Variants in NDUFAF2 observed in about 807,000 individuals in gnomAD.
NDUFAF2 encodes the protein NADH dehydrogenase [ubiquinone] 1 alpha subcomplex assembly factor 2.
A neutral mutation model predicts 22.8 loss-of-function variants in NDUFAF2; 13 were observed. That is an observed-to-expected ratio of 0.57 (90% CI 0.37 to 0.91). The LOEUF is 0.91. Ranked by LOEUF, NDUFAF2 falls within the 40% of genes least tolerant of loss-of-function variation. NDUFAF2 has a pLI of 0.01. For synonymous variants in NDUFAF2, 53 were observed against 64.2 expected, an observed-to-expected ratio of 0.83 and a Z score of 0.84; for missense variants, 162 against 195.2, an observed-to-expected ratio of 0.83 and a Z score of 1.01.
At chr5:61,089,721 C>T (rs1190426348) in intron 2 of NDUFAF2, among the ~76,000 whole-genome samples, 3 of 151,898 alleles carry the variant, frequency 2.0e-5, no homozygotes, top group Non-Finnish European at 4.4e-5. Flanking sequence ...AAAGAAGTCC[C>T]CTGACAGTAA....
rs1313804108 is a variant in NDUFAF2, at chr5:61,099,032, G to A, written c.258G>A (p.Glu86=). The stretch of plus-strand genomic sequence containing the variant: ...CAAGAAAGACTCCACCTACTATGGA[G>A]GTAAGACTACACAAGGAGGATATCA... ...RRTRKTPPTM[E]EILKNEKHRE... The change falls in exon 3 of 4, where the codon GAG becomes GAA. Residue 86 remains glutamate, a splice_region_variant and synonymous_variant. Transcript: ENST00000296597. 1.3e-6 allele frequency: 2 copies of A among 1,595,394 alleles called. No individual in the cohort carries two copies. Among genetic ancestry groups the A allele is most frequent in the South Asian group, 1.1e-5 (1 of 88,906 alleles).
At chr5:61,014,305 A>G (rs1238586615) in intron 1 of NDUFAF2, among the ~76,000 whole-genome samples, 1 of 152,196 alleles carries the variant, frequency 6.6e-6, no homozygotes, top group Admixed American at 6.6e-5. Flanking sequence ...AATAGCCACA[A>G]GTTGGTGAAC....
At position 61,017,135 on chromosome 5, in the gene NDUFAF2, G is replaced by T. The variant is rs162234; in HGVS notation, c.128-55990G>T. 4.6e-5 allele frequency among the ~76,000 whole-genome samples: 7 copies of T among 152,104 alleles called. 1 individual carries two copies. Among genetic ancestry groups the T allele is most frequent in the African/African-American group, 1.2e-4 (5 of 41,486 alleles). ...TTTCTATTCGAATGAGATAGAGGTA[G>T]GCGTCAAACAGCTTACAATAGGTAG... On this transcript the variant is annotated intron_variant, in intron 1 of 3. Transcript: ENST00000296597.
At chr5:61,131,993 A>T (rs1012197556) in intron 3 of NDUFAF2, among the ~76,000 whole-genome samples, 3 of 152,206 alleles carry the variant, frequency 2.0e-5, no homozygotes, top group Admixed American at 2.0e-4. Flanking sequence ...AGGAGCTTTT[A>T]AAAGTTCTGC....
intron 3 of NDUFAF2, among the ~76,000 whole-genome samples, chr5:61,129,686 A>G (rs547049796): frequency 9.7e-4 from 148 of 152,178 alleles, no homozygotes; most frequent in Non-Finnish European, 1.8e-3. Context: ...AGATATACCT[A>G]ATGTAAATGA....
At chr5:61,116,451 T>G (rs1356408929) in intron 3 of NDUFAF2, 1 of 152,024 alleles carries the variant, frequency 6.6e-6, no homozygotes, top group East Asian at 1.9e-4. Flanking sequence ...AAAATAAAAA[T>G]ATAATAGAAA....
intron 1 of NDUFAF2, among the ~76,000 whole-genome samples, chr5:60,979,079 T>G (rs920398419): frequency 1.3e-5 from 2 of 152,150 alleles, no homozygotes; most frequent in African/African-American, 4.8e-5. Context: ...AAATCCAGTT[T>G]TGAAGGGAAA....
At chr5:61,148,316 C>A (rs558478168) in intron 3 of NDUFAF2, among the ~76,000 whole-genome samples, 1 of 152,156 alleles carries the variant, frequency 6.6e-6, no homozygotes, top group Non-Finnish European at 1.5e-5. Flanking sequence ...TGCCTATTGT[C>A]CAGTATCTGA....
intron 1 of NDUFAF2, among the ~76,000 whole-genome samples, chr5:61,028,178 A>T (rs1045324329): frequency 1.3e-5 from 2 of 152,112 alleles, no homozygotes; most frequent in African/African-American, 4.8e-5. Context: ...ATTTGAAAAG[A>T]AACCTGAGTG....
At chr5:61,042,993 G>A (rs1325307567) in intron 1 of NDUFAF2, among the ~76,000 whole-genome samples, 2 of 152,198 alleles carry the variant, frequency 1.3e-5, no homozygotes, top group African/African-American at 2.4e-5. Context: ...GCCAAGGCAG[G>A]CGGATCACTT....
intron 1 of NDUFAF2, among the ~76,000 whole-genome samples, chr5:60,964,956 A>C (rs1187496199): frequency 1.3e-5 from 2 of 152,058 alleles, no homozygotes; most frequent in African/African-American, 4.8e-5. Context: ...ATCCTTTGTC[A>C]CGTATTTTCT....
At chr5:61,033,186 AT>A (rs1333288332) in intron 1 of NDUFAF2, among the ~76,000 whole-genome samples, 1 of 152,170 alleles carries the variant, frequency 6.6e-6, no homozygotes, top group Non-Finnish European at 1.5e-5. Flanking sequence ...GAGTTCACTC[AT>A]GATTTGGCTC....
At chr5:60,971,144 G>T (rs1216534748) in intron 1 of NDUFAF2, among the ~76,000 whole-genome samples, 39 of 147,732 alleles carry the variant, frequency 2.6e-4, no homozygotes, top group Middle Eastern at 3.6e-3. Context: ...TTCTTTTTTC[G>T]TTTTTTTTTT....
intron 3 of NDUFAF2, among the ~76,000 whole-genome samples, chr5:61,100,559 A>T (rs534526609): frequency 1.1e-3 from 145 of 131,512 alleles, no homozygotes; most frequent in Admixed American, 1.8e-3. Context: ...ACACACACAC[A>T]CTCTTTTCCT....
intron 1 of NDUFAF2, among the ~76,000 whole-genome samples, chr5:61,013,449 A>T (rs1751467021): frequency 3.3e-5 from 5 of 152,046 alleles, no homozygotes; most frequent in Admixed American, 3.3e-4. Context: ...TGTTATATTG[A>T]TTTAATGCTT....
chr5:60,969,716 C>G (rs1029800011), intron 1 of NDUFAF2, among the ~76,000 whole-genome samples: 6 of 152,022 alleles, frequency 3.9e-5, no homozygotes, highest in African/African-American at 1.4e-4. Context: ...TGTGGAGAAG[C>G]TTTTTAACTT....
chr5:60,965,210 G>A (rs1750738702), intron 1 of NDUFAF2, among the ~76,000 whole-genome samples: 1 of 152,114 alleles, frequency 6.6e-6, no homozygotes, highest in African/African-American at 2.4e-5. Flanking sequence ...AATCTGACTT[G>A]ACATAGCTGA....
intron 1 of NDUFAF2, 120 bp downstream of exon 1, chr5:60,945,502 A>G (rs1750426304): frequency 2.1e-6 from 3 of 1,438,970 alleles, no homozygotes; most frequent in Non-Finnish European, 2.9e-6. Flanking sequence ...GTCACCGGAG[A>G]GAATTTCCCG....
rs575900712 is a variant in NDUFAF2 at position 61,045,440 on chromosome 5, G to A, written c.128-27685G>A. On this transcript the variant is annotated intron_variant, in intron 1 of 3. Transcript: ENST00000296597. ...TTAAATTTATTCCTAAGTATTTTTT[G>A]TAGCTATTGTAAGTGGAATTGTTTC... Among the ~76,000 whole-genome samples the A allele has an allele frequency of 6.5e-4, 98 of 151,006 alleles. 4 individuals carry two copies. The South Asian group carries it at 0.013, about 19-fold the overall frequency.
Sources: allele counts gnomAD v4.1 joint callset (sites outside exome capture counted in the v4.1 genomes callset), GRCh38; gene constraint gnomAD v4.1.1; transcripts MANE v1.5; gene names NCBI Gene and HGNC (gene_info 2026-07-23, HGNC 2026-07-21).